Variants in NPHP4 observed in about 807,000 individuals in gnomAD.
NPHP4 encodes the protein nephrocystin 4.
Under a neutral mutation model 155.8 loss-of-function variants are expected in NPHP4, and 151 were observed. The ratio of observed to expected loss-of-function variants is 0.97; its 90% CI spans 0.85 to 1.11. The LOEUF (loss-of-function observed/expected upper bound fraction) is 1.11, where lower values mean the gene tolerates loss of function less well. NPHP4 is among the 50% of genes least tolerant of loss of function. The pLI is 0.00. For synonymous variants in NPHP4, 845 were observed against 816.8 expected (o/e 1.03, Z -0.59); for missense variants, 1,956 against 1,925.7 (o/e 1.02, Z -0.29).
chr1:5,968,517 G>A (rs368775259), intron 4 of NPHP4, among the ~76,000 whole-genome samples: 24 of 152,012 alleles, frequency 1.6e-4, no homozygotes, highest in Middle Eastern at 3.4e-3. Flanking sequence ...CACAGGAATC[G>A]CTTGAGGCTG....
intron 6 of NPHP4, among the ~76,000 whole-genome samples, chr1:5,961,254 G>A (rs1650263866): frequency 6.6e-6 from 1 of 152,196 alleles, no homozygotes; most frequent in African/African-American, 2.4e-5. Flanking sequence ...TGGGGGAGTA[G>A]GGAATAGGGA....
In NPHP4 at chr1:5,986,164, T is replaced by C. The variant is rs1452420538; in HGVS notation, c.126A>G (p.Val42=). 3.7e-6 allele frequency: 6 copies of C among 1,613,728 alleles called. No individual in the cohort carries two copies. In the African/African-American group the frequency reaches 5.3e-5, roughly 14 times the overall value. The change falls in exon 2 of 30, where the codon GTA becomes GTG. Residue 42 remains valine, a synonymous_variant. Transcript: ENST00000378156. The part of the protein sequence containing the change: ...QCVLKWLDGP[V]IRQGVLEVLS... ...CAGCACATTTTGTTACCTGCCTAATTACCGGTCCGTCCAGCCACTTGAGGA... is the reference window on the plus strand; with the variant it reads ...CAGCACATTTTGTTACCTGCCTAATCACCGGTCCGTCCAGCCACTTGAGGA...
intron 1 of NPHP4, among the ~76,000 whole-genome samples, chr1:5,987,635 T>C (rs1230828288): frequency 6.6e-6 from 1 of 152,148 alleles, no homozygotes; most frequent in Non-Finnish European, 1.5e-5. Flanking sequence ...TCTTGACCTT[T>C]GAGTACACAC....
chr1:5,934,095 G>A (rs1247400992), intron 9 of NPHP4, among the ~76,000 whole-genome samples: 1 of 152,152 alleles, frequency 6.6e-6, no homozygotes, highest in African/African-American at 2.4e-5. Context: ...TAGGACTAAA[G>A]CTAAACCCCG....
In NPHP4 at chr1:5,866,455, G is replaced by A. The variant is rs1173087339; in HGVS notation, c.3562C>T (p.Pro1188Ser). 1.9e-5 allele frequency: 30 copies of A among 1,587,028 alleles called. No individual in the cohort carries two copies. The highest frequency in any genetic ancestry group is 2.5e-5 in the Non-Finnish European group (29 of 1,163,320). The change falls in exon 26 of 30, where the codon CCC becomes TCC. Residue 1188 changes from proline (P) to serine (S), a missense_variant. Transcript: ENST00000378156. ...NVICETQNVG[P>S]GEPRDIFLKV... is the part of the protein sequence containing the mutation. ...AGAAATATGTCCCGTGGTTCCCCGGGGCCCTGCCAACCAGATGTGCAGCAC... is the reference window on the plus strand; with the variant it reads ...AGAAATATGTCCCGTGGTTCCCCGGAGCCCTGCCAACCAGATGTGCAGCAC...
chr1:5,867,757 G>A lies in NPHP4; in HGVS notation c.3455C>T (p.Pro1152Leu). The A allele has an allele frequency of 1.2e-6, 2 of 1,610,660 alleles. No homozygotes were observed. The highest frequency in any genetic ancestry group is 1.7e-6 in the Non-Finnish European group (2 of 1,179,842). Residue 1152 changes from proline to leucine, a missense_variant, in exon 24 of 30, where the codon CCC (proline) becomes CTC (leucine). Transcript: ENST00000378156. This position sits in a 1 kb window ranked among gnomAD's most constrained non-coding sequence, Gnocchi z 4.1. Reference sequence around the variant, plus strand: ...GGACCTGCCTGGAAATGTGTGCCAGGGCGGCAGGCGGATGGCCTTCTTCAG... The same window carrying A: ...GGACCTGCCTGGAAATGTGTGCCAGAGCGGCAGGCGGATGGCCTTCTTCAG... ...SFLKKAIRLP[P>L]WHTFPGAPVG...
chr1:5,989,152 G>A (rs554096158), intron 1 of NPHP4, among the ~76,000 whole-genome samples: 1 of 152,168 alleles, frequency 6.6e-6, no homozygotes, highest in South Asian at 2.1e-4. Context: ...TTGAGCCCAG[G>A]ATGTCTCTCC....
chr1:5,865,118 T>C lies in NPHP4; in HGVS notation c.3800A>G (p.His1267Arg). The change falls in exon 27 of 30, where the codon CAT becomes CGT. Residue 1267 changes from histidine (H) to arginine (R), a missense_variant. Transcript: ENST00000378156. ...TVRKVRAFTS[H>R]PQELKTDPKG... ...AGGCCGTACCTTCAGCTCCTGGGGA[T>C]GAGAGGTGAAAGCTCTCACTTTCCT... 3.1e-6 allele frequency: 5 copies of C among 1,613,640 alleles called. No homozygotes were observed. Among genetic ancestry groups the C allele is most frequent in the Non-Finnish European group, 4.2e-6 (5 of 1,179,760 alleles).
rs1356470160 is a variant in NPHP4, at chr1:5,919,736, G to GT, written c.1441+7912dup. ...GCCAGCTGTGTTTGTTTGTTTGTGGGTTTTTTTTGTTTTTTTTTTTAGAGG... is the reference window on the plus strand; with the variant it reads ...GCCAGCTGTGTTTGTTTGTTTGTGGGTTTTTTTTTGTTTTTTTTTTTAGAGG... On this transcript the variant is annotated intron_variant, in intron 11 of 29. Coordinates refer to ENST00000378156, the MANE Select transcript of NPHP4 (RefSeq NM_015102.5). 2.5e-4 allele frequency among the ~76,000 whole-genome samples: 38 copies of GT among 151,446 alleles called. 1 individual carries two copies. Among genetic ancestry groups the GT allele is most frequent in the African/African-American group, 3.4e-4 (14 of 41,274 alleles).
chr1:5,871,630 C>T (rs926447614), intron 23 of NPHP4, among the ~76,000 whole-genome samples: 6 of 152,188 alleles, frequency 3.9e-5, no homozygotes, highest in African/African-American at 1.4e-4. Flanking sequence ...CAGCTGGATG[C>T]GAGTGAGGGA....
At chr1:5,981,856 G>A (rs1279690528) in intron 2 of NPHP4, among the ~76,000 whole-genome samples, 1 of 152,118 alleles carries the variant, frequency 6.6e-6, no homozygotes, top group African/African-American at 2.4e-5. Context: ...TTTCAGGGCT[G>A]CTGTGTTAAT....
chr1:5,955,535 A>G (rs1187348759), intron 6 of NPHP4, among the ~76,000 whole-genome samples: 1 of 152,274 alleles, frequency 6.6e-6, no homozygotes, highest in African/African-American at 2.4e-5. Context: ...TATCTACACA[A>G]TGGAGTACTT....
At position 5,889,186 on chromosome 1, in the gene NPHP4, C is replaced by T. The variant is rs1336702330; in HGVS notation, c.2304+1682G>A. On this transcript the variant is annotated intron_variant, in intron 17 of 29. Coordinates refer to ENST00000378156, the MANE Select transcript of NPHP4 (RefSeq NM_015102.5). The surrounding 1 kb of genome is among the most constrained non-coding windows in gnomAD (Gnocchi z 4.2). ...AAATTGAACTTCAAGAAGTCCACAG[C>T]AGTGATTAGCAGAAGGAAAAGCCAC... 1.3e-5 allele frequency among the ~76,000 whole-genome samples: 2 copies of T among 152,102 alleles called. No homozygotes were observed. Among genetic ancestry groups the T allele is most frequent in the Non-Finnish European group, 2.9e-5 (2 of 68,016 alleles).
chr1:5,938,755 T>C lies in NPHP4; in HGVS notation c.1120-5426A>G, dbSNP rs534669008. Among the ~76,000 whole-genome samples, 6 of 152,354 alleles carry C rather than the reference T, an allele frequency of 3.9e-5. No individual in the cohort carries two copies. In the South Asian group the frequency reaches 8.3e-4, roughly 21 times the overall value. ...TGAAGCAAATCTGACTGATTTTCAA[T>C]GTGAAAATAAAATGTAAAAACTGTT... is the stretch of plus-strand genomic sequence containing the variant. On this transcript the variant is annotated intron_variant, in intron 9 of 29. Transcript: ENST00000378156.
chr1:5,933,056 C>T, intron 10 of NPHP4, 91 bp downstream of exon 10: 1 of 1,055,944 alleles, frequency 9.5e-7, no homozygotes, highest in Non-Finnish European at 1.4e-6. Flanking sequence ...AATGAAACAT[C>T]TGCAAACATA....
chr1:5,965,410 G>C (rs1651302389), intron 5 of NPHP4, among the ~76,000 whole-genome samples: 2 of 152,170 alleles, frequency 1.3e-5, no homozygotes, highest in Non-Finnish European at 1.5e-5. Flanking sequence ...TGGACGTGGA[G>C]CGAATGTGGT....
At chr1:5,874,111 A>G (rs1642297589) in intron 22 of NPHP4, among the ~76,000 whole-genome samples, 1 of 152,180 alleles carries the variant, frequency 6.6e-6, no homozygotes, top group South Asian at 2.1e-4. Context: ...CATCTTGCAT[A>G]GAGCAGACAG....
chr1:5,944,654 C>A lies in NPHP4; in HGVS notation c.1119+2450G>T, dbSNP rs1410202073. On this transcript the variant is annotated intron_variant, in intron 9 of 29. Transcript: ENST00000378156. This position sits in a 1 kb window ranked among gnomAD's most constrained non-coding sequence, Gnocchi z 4.3. ...AAGTGGAATCCAGTATTCCCAGTTA[C>A]AATCGACCAGCACATCGGAAAGTAC... is the stretch of plus-strand genomic sequence containing the variant. Among the ~76,000 whole-genome samples the A allele has an allele frequency of 6.6e-6, 1 of 152,212 alleles. No homozygotes were observed. The highest frequency in any genetic ancestry group is 2.4e-5 in the African/African-American group (1 of 41,448).
At chr1:5,967,267 TGA>T in intron 5 of NPHP4, 30 bp downstream of exon 5, 1 of 1,562,896 alleles carries the variant, frequency 6.4e-7, no homozygotes, top group Non-Finnish European at 8.7e-7. Flanking sequence ...ACGAGAGCAG[TGA>T]GTGCTGCCAA....
Sources: allele counts gnomAD v4.1 joint callset (sites outside exome capture counted in the v4.1 genomes callset), GRCh38; gene constraint gnomAD v4.1.1; non-coding constraint Gnocchi (gnomAD v3.1); transcripts MANE v1.5; gene names NCBI Gene and HGNC (gene_info 2026-07-23, HGNC 2026-07-21).